ZNF773: variants seen among roughly 807,000 people sequenced by gnomAD.
ZNF773 encodes zinc finger protein 773, also known as zinc finger protein 419B.
In ZNF773, 11 loss-of-function variants were observed where a neutral mutation model predicts 12.8. The ratio of observed to expected loss-of-function variants is 0.86; its 90% confidence interval spans 0.54 to 1.42. ZNF773 has a LOEUF of 1.42. Ranked by LOEUF, ZNF773 falls within the 40% of genes most tolerant of loss-of-function variation. The pLI is 0.00. For missense variants in ZNF773, 518 were observed against 527.2 expected (o/e 0.98, Z 0.17); for synonymous variants, 175 against 178.4 (o/e 0.98, Z 0.15).
chr19:57,515,627 C>T (rs570213294), downstream of ZNF773: 2 of 152,200 alleles, frequency 1.3e-5, no homozygotes, highest in African/African-American at 4.8e-5. Flanking sequence ...TTGTCTGTCA[C>T]CTTTTGCCCA....
Position 57,507,739 on chromosome 19 carries a change from C to A in ZNF773, c.*315C>A. ...CTGTTATTCTCACCACTTTGGGAGG[C>A]TGAAGCGGGCGGATCACAAGGTCAG... On this transcript the variant is annotated 3_prime_UTR_variant, in exon 4 of 4. Coordinates refer to ENST00000282292, the MANE Select transcript of ZNF773 (RefSeq NM_198542.3). 1 of 1,118,090 alleles carries A rather than the reference C, an allele frequency of 8.9e-7. No individual in the cohort carries two copies. Among genetic ancestry groups the A allele is most frequent in the Non-Finnish European group, 1.1e-6 (1 of 911,612 alleles). The allele number at this position is 1,118,090 out of a possible 1,614,324, so 69.3% of individuals were successfully genotyped here.
downstream of ZNF773, among the ~76,000 whole-genome samples, chr19:57,512,509 T>C (rs2089803521): frequency 6.6e-6 from 1 of 150,930 alleles, no homozygotes; most frequent in Non-Finnish European, 1.5e-5. Context: ...GTTCAAGTGA[T>C]TCTCCTGTCT....
downstream of ZNF773, chr19:57,518,408 G>C: frequency 6.6e-6 from 1 of 152,430 alleles, no homozygotes; most frequent in African/African-American, 2.4e-5. Context: ...CTAGAAGAAA[G>C]GAGCCGCCTG....
downstream of ZNF773, among the ~76,000 whole-genome samples, chr19:57,509,535 T>C (rs1394760057): frequency 2.0e-5 from 3 of 152,340 alleles, no homozygotes; most frequent in East Asian, 5.8e-4. Context: ...TAGGAAATAT[T>C]GCATTGGAAA....
downstream of ZNF773, chr19:57,515,780 G>A (rs1233660559): frequency 1.3e-5 from 2 of 152,154 alleles, no homozygotes; most frequent in Non-Finnish European, 2.9e-5. Flanking sequence ...CATAGAGTGG[G>A]CACATCAAAC....
At chr19:57,505,134 G>A (rs529350597) in intron 2 of ZNF773, 168 bp from the exon 3 acceptor site, 26 of 849,054 alleles carry the variant, frequency 3.1e-5, no homozygotes, top group Middle Eastern at 4.3e-4. Context: ...CCTGGGTGTC[G>A]GTCTGTGCCA....
At chr19:57,511,026 A>T (rs138201649), downstream of ZNF773, among the ~76,000 whole-genome samples, 1,365 of 148,546 alleles carry the variant, frequency 9.2e-3, 27 homozygotes, top group African/African-American at 0.031. Context: ...TTGCCAAAAC[A>T]ATTTTATTTA....
At position 57,507,084 on chromosome 19, in the gene ZNF773, C is replaced by T. The variant is rs1472915311; in HGVS notation, c.989C>T (p.Pro330Leu). 7 of 1,613,948 alleles carry T rather than the reference C, an allele frequency of 4.3e-6. No individual in the cohort carries two copies. The highest frequency in any genetic ancestry group is 5.1e-6 in the Non-Finnish European group (6 of 1,180,010). Residue 330 changes from proline to leucine, a missense_variant, in exon 4 of 4, where the codon CCT becomes CTT. Transcript: ENST00000282292. ...KHQRVHTGER[P>L]YKCSECGKFY... ...CAGAGAGTTCACACTGGAGAAAGAC[C>T]TTATAAGTGCAGTGAATGTGGAAAA...
At chr19:57,510,772 G>C (rs906544708), downstream of ZNF773, among the ~76,000 whole-genome samples, 2 of 151,968 alleles carry the variant, frequency 1.3e-5, no homozygotes, top group African/African-American at 4.8e-5. Flanking sequence ...GAAATATTTA[G>C]AAATAAATTT....
intron 3 of ZNF773, among the ~76,000 whole-genome samples, chr19:57,505,750 G>A (rs1394250701): frequency 1.5e-5 from 2 of 132,400 alleles, no homozygotes; most frequent in African/African-American, 2.9e-5. Context: ...TTGCTCTGTC[G>A]CCTAGGCTGG....
At chr19:57,506,207 T>A in intron 3 of ZNF773, 151 bp from the exon 4 acceptor site, 1 of 1,291,196 alleles carries the variant, frequency 7.7e-7, no homozygotes, top group Non-Finnish European at 1.1e-6. Flanking sequence ...GGTTCAGCAC[T>A]GCACAGCAGG....
downstream of ZNF773, chr19:57,512,888 TG>T: frequency 1.0e-6 from 1 of 965,880 alleles, no homozygotes; most frequent in Non-Finnish European, 1.4e-6. Context: ...TTCCTCTCTG[TG>T]GATTCTACCT....
At position 57,507,075 on chromosome 19, in the gene ZNF773, G is replaced by C; in HGVS notation, c.980G>C (p.Gly327Ala). The change falls in exon 4 of 4, where the codon GGA becomes GCA. Residue 327 changes from glycine to alanine, a missense_variant. Transcript: ENST00000282292. ...ATGAAACATCAGAGAGTTCACACTGGAGAAAGACCTTATAAGTGCAGTGAA... is the reference window on the plus strand; with the variant it reads ...ATGAAACATCAGAGAGTTCACACTGCAGAAAGACCTTATAAGTGCAGTGAA... Reference protein sequence around the residue: ...SLMKHQRVHTGERPYKCSECG... With the variant: ...SLMKHQRVHTAERPYKCSECG... The C allele has an allele frequency of 1.2e-6, 2 of 1,614,194 alleles. No individual in the cohort carries two copies. Among genetic ancestry groups the C allele is most frequent in the African/African-American group, 2.7e-5 (2 of 75,054 alleles).
intron 1 of ZNF773, among the ~76,000 whole-genome samples, chr19:57,504,098 C>T (rs1460052644): frequency 1.3e-5 from 2 of 152,144 alleles, no homozygotes; most frequent in Admixed American, 1.3e-4. Context: ...CAAAAAGAGC[C>T]CAGTAGAGAG....
downstream of ZNF773, chr19:57,514,177 C>T (rs537844374): frequency 1.1e-4 from 17 of 152,320 alleles, no homozygotes; most frequent in East Asian, 3.9e-4. Context: ...ACAAAACAGG[C>T]TTTGACTAAA....
At chr19:57,515,776 G>A (rs2089827910), downstream of ZNF773, 1 of 152,166 alleles carries the variant, frequency 6.6e-6, no homozygotes, top group Non-Finnish European at 1.5e-5. Context: ...GAATCATAGA[G>A]TGGGCACATC....
downstream of ZNF773, chr19:57,516,887 C>T (rs2089835322): frequency 6.6e-6 from 1 of 152,244 alleles, no homozygotes; most frequent in Non-Finnish European, 1.5e-5. Flanking sequence ...TTTGCTGGCA[C>T]TGGTGGCGAA....
downstream of ZNF773, among the ~76,000 whole-genome samples, chr19:57,509,919 A>G (rs918047683): frequency 2.6e-5 from 4 of 152,220 alleles, no homozygotes; most frequent in Admixed American, 6.5e-5. Flanking sequence ...CCAAAAAGAG[A>G]AAAGTTCAAA....
Position 57,506,430 on chromosome 19 carries a change from T to C in ZNF773, c.335T>C (p.Val112Ala). ...TCTGTAGAAGTGCCCAGTTCAAACGTTCAGCAACACCAGAAGCAGCACTGT... is the reference window on the plus strand; with the variant it reads ...TCTGTAGAAGTGCCCAGTTCAAACGCTCAGCAACACCAGAAGCAGCACTGT... ...SASVEVPSSN[V>A]QQHQKQHCGE... Residue 112 changes from valine (V) to alanine (A), a missense_variant, in exon 4 of 4, where the codon GTT becomes GCT. By Grantham distance (64) the Val-to-Ala change is moderately conservative (BLOSUM62 0). Coordinates refer to ENST00000282292, the MANE Select transcript of ZNF773 (RefSeq NM_198542.3). The C allele has an allele frequency of 1.9e-6, 3 of 1,614,214 alleles. No individual in the cohort carries two copies. The highest frequency in any genetic ancestry group is 1.7e-6 in the Non-Finnish European group (2 of 1,180,034).
Sources: gnomAD v4.1 joint callset for allele counts (sites outside exome capture counted in the v4.1 genomes callset) on GRCh38, gnomAD v4.1.1 for gene constraint, MANE v1.5 for transcripts, NCBI Gene and HGNC (gene_info 2026-07-23, HGNC 2026-07-21) for gene names.